SOX6: variants seen among roughly 807,000 people sequenced by gnomAD.
SOX6 encodes the protein SRY-box transcription factor 6.
SOX6 carries 11 observed loss-of-function variants against 97.8 expected under a neutral mutation model. That is an observed-to-expected ratio of 0.11 (90% CI 0.07 to 0.19). SOX6 has a LOEUF of 0.19. SOX6 is among the 10% of genes least tolerant of loss of function. The pLI is 1.00. For synonymous variants in SOX6, 360 were observed against 371.4 expected (o/e 0.97, Z 0.35); for missense variants, 810 against 1,039.5 (o/e 0.78, Z 3.04).
Position 16,499,175 on chromosome 11 carries a change from C to A in SOX6, n.610-22787G>T, listed in dbSNP as rs1405324305. Among the ~76,000 whole-genome samples, 3 of 152,326 alleles carry A rather than the reference C, an allele frequency of 2.0e-5. No individual in the cohort carries two copies. The East Asian group carries it at 5.8e-4, about 29-fold the overall frequency. ...AAACTCACTCAAAACCACTCAACCA[C>A]ATGGAAACTGAACAACCTGCTCCTG... On this transcript the variant is annotated intron_variant and non_coding_transcript_variant, in intron 4 of 5. Coordinates refer to the SOX6 transcript ENST00000524520.
At position 16,194,747 on chromosome 11, in the gene SOX6, T is replaced by C. The variant is rs148238470; in HGVS notation, c.536-7792A>G. ...TCCTGGATCAACTGAGGTCTATTCATGTCGCAAATCCTAACAGAGCAAGAA... is the reference window on the plus strand; with the variant it reads ...TCCTGGATCAACTGAGGTCTATTCACGTCGCAAATCCTAACAGAGCAAGAA... On this transcript the variant is annotated intron_variant, in intron 4 of 15. Coordinates refer to ENST00000683767, the MANE Select transcript of SOX6 (RefSeq NM_001367873.1). Among the ~76,000 whole-genome samples the C allele has an allele frequency of 7.9e-4, 121 of 152,322 alleles. No homozygotes were observed. In the East Asian group the frequency reaches 0.022, roughly 27 times the overall value.
Position 16,553,579 on chromosome 11 carries a change from AT to A in SOX6, n.609+58501del, listed in dbSNP as rs61469318. On this transcript the variant is annotated intron_variant and non_coding_transcript_variant, in intron 4 of 5. Transcript: ENST00000524520. ...TTGTCACCATCTGCTGATTTTGGCC[AT>A]TTTTTTTTTTTTTTACTTTATTCTG... Among the ~76,000 whole-genome samples, 591 of 143,242 alleles carry A rather than the reference AT, an allele frequency of 4.1e-3. 1 individual carries two copies. Among genetic ancestry groups the A allele is most frequent in the South Asian group, 9.3e-3 (42 of 4,514 alleles). The allele number at this position is 143,242 out of a possible 152,430, so 94.0% of individuals were successfully genotyped here. A position where few individuals can be genotyped will look rare whatever the true frequency, so the allele number is the denominator to read the frequency against.
intron 6 of SOX6, among the ~76,000 whole-genome samples, chr11:16,134,330 G>T (rs1163750395): frequency 1.3e-5 from 2 of 152,184 alleles, no homozygotes; most frequent in African/African-American, 4.8e-5. Flanking sequence ...CTGGGGCCCT[G>T]GGCCACGTTG....
chr11:16,215,830 T>G (rs1440383595), intron 4 of SOX6, among the ~76,000 whole-genome samples: 1 of 152,218 alleles, frequency 6.6e-6, no homozygotes, highest in Non-Finnish European at 1.5e-5. Context: ...CATTCTCATA[T>G]AGAGGATGAT....
chr11:16,665,729 TGGACA>T (rs1847802297), intron 3 of SOX6, among the ~76,000 whole-genome samples: 2 of 152,190 alleles, frequency 1.3e-5, no homozygotes, highest in Admixed American at 6.5e-5. Flanking sequence ...CTGCAGGCCT[TGGACA>T]AGACCCAGGG....
intron 1 of SOX6, among the ~76,000 whole-genome samples, chr11:16,369,341 C>T (rs1857443844): frequency 6.6e-6 from 1 of 152,082 alleles, no homozygotes; most frequent in African/African-American, 2.4e-5. Flanking sequence ...ACCAGTCTCC[C>T]TTACTCTAAT....
intron 1 of SOX6, among the ~76,000 whole-genome samples, chr11:16,426,727 A>G (rs1859146137): frequency 6.6e-6 from 1 of 151,650 alleles, no homozygotes; most frequent in South Asian, 2.1e-4. Context: ...ATCCCGGCTA[A>G]AACGGTGAAA....
intron 3 of SOX6, among the ~76,000 whole-genome samples, chr11:16,633,920 T>C (rs1023407635): frequency 6.6e-6 from 1 of 152,166 alleles, no homozygotes; most frequent in African/African-American, 2.4e-5. Flanking sequence ...TGTAGGACTA[T>C]AAAATAATCT....
chr11:16,583,618 T>TATATATATACACACACACAC lies in SOX6; in HGVS notation n.609+28462_609+28463insGTGTGTGTGTGTATATATAT, dbSNP rs1554976105. Among the ~76,000 whole-genome samples the TATATATATACACACACACAC allele has an allele frequency of 7.5e-3, 939 of 126,002 alleles. 64 individuals carry two copies. The South Asian group carries it at 0.089, about 12-fold the overall frequency. The allele number at this position is 126,002 out of a possible 152,430, so 82.7% of individuals were successfully genotyped here. A position where few individuals can be genotyped will look rare whatever the true frequency, so the allele number is the denominator to read the frequency against. On this transcript the variant is annotated intron_variant and non_coding_transcript_variant, in intron 4 of 5. Coordinates refer to the SOX6 transcript ENST00000524520. ...GTATATATGTGTATATATATACATA[T>TATATATATACACACACACAC]ATATATATATATATATATACACATA...
chr11:16,061,304 A>G (rs1847946298), intron 9 of SOX6, among the ~76,000 whole-genome samples: 1 of 31,764 alleles, frequency 3.1e-5, no homozygotes, highest in Non-Finnish European at 8.9e-5. Flanking sequence ...CAATAGCTAC[A>G]AAAAAAAAAA....
intron 3 of SOX6, among the ~76,000 whole-genome samples, chr11:16,685,762 T>G (rs1319088022): frequency 1.3e-5 from 2 of 152,274 alleles, no homozygotes; most frequent in African/African-American, 4.8e-5. Context: ...AATGCCCCAG[T>G]AGGGACTCTG....
At chr11:16,070,544 C>T (rs1020278142) in intron 9 of SOX6, among the ~76,000 whole-genome samples, 3 of 152,006 alleles carry the variant, frequency 2.0e-5, no homozygotes, top group Non-Finnish European at 4.4e-5. Context: ...GGAGAGGGGG[C>T]CAAGATGGTA....
Position 15,972,617 on chromosome 11 carries a change from A to T in SOX6, c.*192T>A. The T allele has an allele frequency of 4.8e-6, 3 of 626,170 alleles. No homozygotes were observed. The highest frequency in any genetic ancestry group is 8.3e-6 in the Non-Finnish European group (3 of 362,372). The allele number at this position is 626,170 out of a possible 1,614,324, so 38.8% of individuals were successfully genotyped here. ...TAAAAAAACAACAACAACAACAATA[A>T]CAATAACAACAAAAAACTCAAGTTC... On this transcript the variant is annotated 3_prime_UTR_variant, in exon 16 of 16. Coordinates refer to ENST00000683767, the MANE Select transcript of SOX6 (RefSeq NM_001367873.1).
At chr11:16,703,793 C>G (rs911503230) in intron 3 of SOX6, among the ~76,000 whole-genome samples, 3 of 152,144 alleles carry the variant, frequency 2.0e-5, no homozygotes, top group African/African-American at 7.2e-5. Context: ...TTGTATTTCT[C>G]TTAATAGCAC....
chr11:16,318,588 C>G lies in SOX6; in HGVS notation c.303G>C (p.Lys101Asn), dbSNP rs758212022. The change falls in exon 3 of 16, where the codon AAG (lysine) becomes AAC (asparagine). Residue 101 changes from lysine (K) to asparagine (N), a missense_variant. By Grantham distance (94) the Lys-to-Asn change is moderately conservative. Around this residue, in one of 9 missense-constraint regions of SOX6, gnomAD observed 46 missense variants for 84.1 expected, o/e 0.55. Transcript: ENST00000683767. ...SFRNTSTSPH[K>N]PDEGSRDREI... is the part of the protein sequence containing the mutation. ...CACGGTCCCGACTCCCTTCGTCAGGCTTATGTGGTGAGGTAGAGGTATTTC... is the reference window on the plus strand; with the variant it reads ...CACGGTCCCGACTCCCTTCGTCAGGGTTATGTGGTGAGGTAGAGGTATTTC... The G allele has an allele frequency of 6.2e-7, 1 of 1,613,532 alleles. No homozygotes were observed. The highest frequency in any genetic ancestry group is 1.7e-5 in the Admixed American group (1 of 59,930).
intron 9 of SOX6, among the ~76,000 whole-genome samples, chr11:16,085,822 T>C (rs1239393870): frequency 2.6e-5 from 4 of 152,224 alleles, no homozygotes; most frequent in Admixed American, 1.3e-4. Flanking sequence ...AAACACATTT[T>C]AAACTACCCA....
chr11:16,501,933 A>G (rs1860715003), intron 4 of SOX6, among the ~76,000 whole-genome samples: 1 of 152,140 alleles, frequency 6.6e-6, no homozygotes, highest in African/African-American at 2.4e-5. Flanking sequence ...AACTAGAAAT[A>G]CCATTTGACC....
intron 13 of SOX6, among the ~76,000 whole-genome samples, chr11:15,999,407 T>C (rs889248898): frequency 2.6e-5 from 4 of 152,130 alleles, no homozygotes; most frequent in African/African-American, 9.7e-5. Flanking sequence ...AAGAATATGA[T>C]AGCAGTTTTA....
intron 1 of SOX6, among the ~76,000 whole-genome samples, chr11:16,456,737 A>G (rs1859816981): frequency 6.6e-6 from 1 of 152,158 alleles, no homozygotes; most frequent in African/African-American, 2.4e-5. Context: ...TATTCTATTG[A>G]CTGGGCAAAT....
Sources: gnomAD v4.1 joint callset for allele counts (sites outside exome capture counted in the v4.1 genomes callset) on GRCh38, gnomAD v4.1.1 for gene constraint, gnomAD v4.1.1 regional missense constraint, MANE v1.5 for transcripts, NCBI Gene and HGNC (gene_info 2026-07-23, HGNC 2026-07-21) for gene names.